Variants in CCDC13 observed in about 807,000 individuals in gnomAD.
CCDC13 encodes the protein coiled-coil domain containing 13.
In CCDC13, 70 loss-of-function variants were observed where a neutral mutation model predicts 87.3. The ratio of observed to expected loss-of-function variants is 0.80; its 90% CI spans 0.66 to 0.98. The LOEUF is 0.98. Ranked by LOEUF, CCDC13 falls within the 50% of genes least tolerant of loss-of-function variation. The probability of loss-of-function intolerance (pLI) is 0.00; values close to 1 mark genes in which losing one functional copy is unlikely to be tolerated. For synonymous variants in CCDC13, 317 were observed against 360.3 expected (o/e 0.88, Z 1.36); for missense variants, 842 against 892.0 (o/e 0.94, Z 0.71).
At chr3:42,749,888 CTAGGGTTGGAATGTGGATTG>C (rs1699527697) in intron 5 of CCDC13, 1 of 456,588 alleles carries the variant, frequency 2.2e-6, no homozygotes, top group African/African-American at 2.0e-5. Context: ...CTTTGGAGGC[CTAGGGTTGGAATGTGGATTG>C]AGCCTGCAGG....
chr3:42,732,351 G>T lies in CCDC13; in HGVS notation c.1595+536C>A, dbSNP rs116117946. Among the ~76,000 whole-genome samples the T allele has an allele frequency of 3.2e-3, 493 of 152,304 alleles. 6 individuals are homozygous for T. The highest frequency in any genetic ancestry group is 0.012 in the African/African-American group (479 of 41,568). On this transcript the variant is annotated intron_variant, in intron 12 of 15. Transcript: ENST00000310232. ...TGAGCTGACCTGCCTGAGGGGTCAG[G>T]GTGGGGAGTGTTGACAGCAGGAGCA... is the stretch of plus-strand genomic sequence containing the variant.
At chr3:42,733,353 C>G in intron 11 of CCDC13, 117 bp downstream of exon 11, 1 of 1,281,286 alleles carries the variant, frequency 7.8e-7, no homozygotes, top group Non-Finnish European at 1.1e-6. Context: ...GGAAGAACAA[C>G]AGCATAGTCA....
intron 7 of CCDC13, among the ~76,000 whole-genome samples, chr3:42,743,332 T>C (rs988543351): frequency 1.5e-4 from 23 of 152,170 alleles, no homozygotes; most frequent in African/African-American, 5.5e-4. Context: ...AGCAGACCTA[T>C]GGCCCCAGGA....
chr3:42,718,297 C>T (rs995981423), intron 13 of CCDC13, among the ~76,000 whole-genome samples: 2 of 152,156 alleles, frequency 1.3e-5, no homozygotes, highest in South Asian at 2.1e-4. Context: ...CTCCCACCAG[C>T]GCCATGACAG....
chr3:42,722,179 G>T (rs2125875319), intron 13 of CCDC13, among the ~76,000 whole-genome samples: 1 of 152,268 alleles, frequency 6.6e-6, no homozygotes, highest in Non-Finnish European at 1.5e-5. Context: ...CAAGAGTTAT[G>T]AATGGCCCTC....
At chr3:42,756,652 G>T (rs1185698348) in intron 3 of CCDC13, among the ~76,000 whole-genome samples, 4 of 151,586 alleles carry the variant, frequency 2.6e-5, no homozygotes, top group African/African-American at 9.7e-5. Flanking sequence ...GGTGATCATA[G>T]CTCACTGCAG....
At chr3:42,742,271 G>A (rs1272563420) in intron 8 of CCDC13, among the ~76,000 whole-genome samples, 2 of 152,200 alleles carry the variant, frequency 1.3e-5, no homozygotes, top group Non-Finnish European at 2.9e-5. Context: ...TATTGGGAAA[G>A]AGAAACCCTT....
Position 42,708,126 on chromosome 3 carries a change from G to A in CCDC13, c.*854C>T, listed in dbSNP as rs1465437861. ...ACCAGCATCCATCAGCAGTCTTGGT[G>A]AGCAAACAAAGATGCCTCTTGGAGC... On this transcript the variant is annotated 3_prime_UTR_variant, in exon 16 of 16. Coordinates refer to ENST00000310232, the MANE Select transcript of CCDC13 (RefSeq NM_144719.4). 1 of 152,216 alleles carries A rather than the reference G, an allele frequency of 6.6e-6. No homozygotes were observed. The highest frequency in any genetic ancestry group is 1.5e-5 in the Non-Finnish European group (1 of 68,074). The allele number at this position is 152,216 out of a possible 1,614,324, so 9.4% of individuals were successfully genotyped here. A position where few individuals can be genotyped will look rare whatever the true frequency, so the allele number is the denominator to read the frequency against.
chr3:42,770,351 G>A (rs367675085), intron 1 of CCDC13, among the ~76,000 whole-genome samples: 4 of 152,308 alleles, frequency 2.6e-5, no homozygotes, highest in East Asian at 3.9e-4. Flanking sequence ...ACACCAATCG[G>A]CACTCTGTAT....
intron 9 of CCDC13, among the ~76,000 whole-genome samples, chr3:42,736,908 G>C (rs1699040969): frequency 6.6e-6 from 1 of 152,106 alleles, no homozygotes; most frequent in South Asian, 2.1e-4. Flanking sequence ...GGAAGTTTTT[G>C]TTTTTGTTGT....
At chr3:42,761,401 C>T (rs1382603452) in intron 1 of CCDC13, among the ~76,000 whole-genome samples, 3 of 152,318 alleles carry the variant, frequency 2.0e-5, no homozygotes, top group Middle Eastern at 3.4e-3. Flanking sequence ...TCCCTGCCCT[C>T]GCTCCCCATG....
intron 1 of CCDC13, among the ~76,000 whole-genome samples, chr3:42,766,051 G>T (rs1699926236): frequency 1.3e-5 from 2 of 152,110 alleles, no homozygotes; most frequent in South Asian, 4.2e-4. Context: ...CAGTGGAGAT[G>T]GAGGAGGGGG....
Position 42,732,886 on chromosome 3 carries a change from C to T in CCDC13, c.1595+1G>A, listed in dbSNP as rs1368907308. On this transcript the variant is annotated splice_donor_variant, in intron 12 of 15. Transcript: ENST00000310232. LOFTEE classifies it high-confidence loss of function. ...AGAGTCCGGGGGTCGGGGGTCCATA[C>T]CTAGGTGAGGTCCTGTGGGGACTGG... 1 of 1,552,298 alleles carries T rather than the reference C, an allele frequency of 6.4e-7. No homozygotes were observed. The highest frequency in any genetic ancestry group is 2.0e-5 in the Admixed American group (1 of 51,080).
chr3:42,754,262 T>C (rs565719880), intron 3 of CCDC13, among the ~76,000 whole-genome samples: 1 of 152,212 alleles, frequency 6.6e-6, no homozygotes, highest in South Asian at 2.1e-4. Context: ...GGCGAGGCAG[T>C]GAGTGGGGCA....
At chr3:42,757,686 C>T (rs774134916) in intron 2 of CCDC13, among the ~76,000 whole-genome samples, 15 of 151,900 alleles carry the variant, frequency 9.9e-5, no homozygotes, top group Non-Finnish European at 2.1e-4. Context: ...CATTCCAGCC[C>T]GGGTGACAGT....
At position 42,706,567 on chromosome 3, in the gene CCDC13, G is replaced by A. The variant is rs899310100; in HGVS notation, c.*2413C>T. 6.6e-6 allele frequency: 1 copy of A among 152,220 alleles called. No homozygotes were observed. The highest frequency in any genetic ancestry group is 1.5e-5 in the Non-Finnish European group (1 of 68,042). The allele number at this position is 152,220 out of a possible 1,614,324, so 9.4% of individuals were successfully genotyped here. A position where few individuals can be genotyped will look rare whatever the true frequency, so the allele number is the denominator to read the frequency against. On this transcript the variant is annotated 3_prime_UTR_variant, in exon 16 of 16. Transcript: ENST00000310232. ...CAGCAATGCTGTCAAGGTTGCCCGT[G>A]GAATCTGAAAGCTGAAACACTCATC...
intron 3 of CCDC13, among the ~76,000 whole-genome samples, chr3:42,753,457 C>T (rs565527867): frequency 1.2e-4 from 18 of 151,844 alleles, no homozygotes; most frequent in Admixed American, 9.2e-4. Context: ...TATTTTCTAC[C>T]AAGTGCTGGG....
Position 42,732,880 on chromosome 3 carries a change from T to C in CCDC13, c.1595+7A>G, listed in dbSNP as rs1302699675. On this transcript the variant is annotated splice_region_variant and intron_variant, in intron 12 of 15. Transcript: ENST00000310232. Reference sequence around the variant, plus strand: ...ACTGTGAGAGTCCGGGGGTCGGGGGTCCATACCTAGGTGAGGTCCTGTGGG... The same window carrying C: ...ACTGTGAGAGTCCGGGGGTCGGGGGCCCATACCTAGGTGAGGTCCTGTGGG... 5 of 1,551,252 alleles carry C rather than the reference T, an allele frequency of 3.2e-6. No homozygotes were observed. Among genetic ancestry groups the C allele is most frequent in the Non-Finnish European group, 4.4e-6 (5 of 1,146,600 alleles).
Position 42,707,815 on chromosome 3 carries a change from T to C in CCDC13, c.*1165A>G, listed in dbSNP as rs1478733938. Among the ~76,000 whole-genome samples the C allele has an allele frequency of 6.6e-6, 1 of 152,186 alleles. No homozygotes were observed. The highest frequency in any genetic ancestry group is 1.5e-5 in the Non-Finnish European group (1 of 68,030). On this transcript the variant is annotated 3_prime_UTR_variant, in exon 16 of 16. Coordinates refer to ENST00000310232, the MANE Select transcript of CCDC13 (RefSeq NM_144719.4). ...AGGTATGTGTGTGCATCTGCATCTT[T>C]GTGTGGGGCTGTGGGTGCACCTGTG...
Sources: gnomAD v4.1 joint callset for allele counts (sites outside exome capture counted in the v4.1 genomes callset) on GRCh38, gnomAD v4.1.1 for gene constraint, MANE v1.5 for transcripts, NCBI Gene and HGNC (gene_info 2026-07-23, HGNC 2026-07-21) for gene names.